The following IQCM variants were observed in gnomAD, a reference collection of about 807,000 sequenced individuals.
IQCM encodes the protein IQ domain-containing protein M.
Under a neutral mutation model 57.6 loss-of-function variants are expected in IQCM, and 45 were observed. That is an observed-to-expected ratio of 0.78 (90% CI 0.62 to 1.00). The LOEUF (loss-of-function observed/expected upper bound fraction) is 1.00, where lower values mean the gene tolerates loss of function less well. Ranked by LOEUF, IQCM falls within the 50% of genes least tolerant of loss-of-function variation. The pLI, the probability that IQCM is intolerant of heterozygous loss-of-function variation, is 0.00. For synonymous variants in IQCM, 148 were observed against 158.9 expected, an observed-to-expected ratio of 0.93 and a Z score of 0.51; for missense variants, 468 against 511.6, an observed-to-expected ratio of 0.91 and a Z score of 0.82.
At chr4:149,591,609 C>A (rs923946806) in intron 8 of IQCM, among the ~76,000 whole-genome samples, 1 of 152,018 alleles carries the variant, frequency 6.6e-6, no homozygotes, top group Non-Finnish European at 1.5e-5. Context: ...CCTCTCCTCC[C>A]ACCCCACGAC....
At chr4:149,624,085 G>C (rs1434799800) in intron 7 of IQCM, among the ~76,000 whole-genome samples, 1 of 151,630 alleles carries the variant, frequency 6.6e-6, no homozygotes, top group Non-Finnish European at 1.5e-5. Flanking sequence ...TGCATATTGA[G>C]ACTTAAAAGT....
At chr4:149,368,796 A>ATG (rs1730047614) in intron 13 of IQCM, among the ~76,000 whole-genome samples, 1 of 106,420 alleles carries the variant, frequency 9.4e-6, no homozygotes, top group Non-Finnish European at 2.0e-5. Context: ...ATATATATAC[A>ATG]TATATATACA....
chr4:149,566,941 G>C (rs1175931418), intron 9 of IQCM, among the ~76,000 whole-genome samples: 1 of 152,154 alleles, frequency 6.6e-6, no homozygotes, highest in Non-Finnish European at 1.5e-5. Context: ...ATAAAACAGA[G>C]AAATGCTTGT....
intron 8 of IQCM, among the ~76,000 whole-genome samples, chr4:149,619,129 TATAC>T (rs1157658322): frequency 4.2e-4 from 62 of 146,958 alleles, no homozygotes; most frequent in African/African-American, 1.4e-3. Flanking sequence ...TATATATATA[TATAC>T]ACCATGGAAT....
chr4:149,792,992 G>A (rs1189554925), intron 2 of IQCM, among the ~76,000 whole-genome samples: 2 of 152,102 alleles, frequency 1.3e-5, no homozygotes, highest in South Asian at 2.1e-4. Context: ...TACATAAATT[G>A]TCTATATCCT....
chr4:149,627,040 A>G (rs1019915274), intron 7 of IQCM, among the ~76,000 whole-genome samples: 1 of 152,188 alleles, frequency 6.6e-6, no homozygotes, highest in African/African-American at 2.4e-5. Flanking sequence ...CTTAGACACT[A>G]CAGCTCCAAG....
intron 8 of IQCM, among the ~76,000 whole-genome samples, chr4:149,596,650 G>T (rs1334760151): frequency 2.6e-5 from 4 of 152,112 alleles, no homozygotes; most frequent in African/African-American, 7.2e-5. Context: ...TGTGGCCTTG[G>T]CTCTGAGTGA....
intron 13 of IQCM, among the ~76,000 whole-genome samples, chr4:149,415,240 C>A (rs188601823): frequency 1.3e-5 from 2 of 152,258 alleles, no homozygotes; most frequent in East Asian, 3.9e-4. Context: ...TCATTGGCTT[C>A]TGAAGAAAGC....
At chr4:149,477,749 A>G (rs2149743105) in intron 12 of IQCM, among the ~76,000 whole-genome samples, 1 of 152,274 alleles carries the variant, frequency 6.6e-6, no homozygotes, top group East Asian at 1.9e-4. Flanking sequence ...GGAGAAATCC[A>G]TGTAGGTGTT....
At chr4:149,712,443 T>C (rs2149834282) in intron 5 of IQCM, among the ~76,000 whole-genome samples, 1 of 152,268 alleles carries the variant, frequency 6.6e-6, no homozygotes, top group South Asian at 2.1e-4. Context: ...CCATGGTACA[T>C]AGATCAGTTT....
rs573252953 is a variant in IQCM at position 149,585,382 on chromosome 4, G to A, written c.749+2548C>T. On this transcript the variant is annotated intron_variant, in intron 9 of 13. Transcript: ENST00000636793. ...TCCAACATGTGGACTCTAAAGTTTC[G>A]TGGAATTTTTATGATAGAAATGGTG... Among the ~76,000 whole-genome samples the A allele has an allele frequency of 1.8e-4, 28 of 151,708 alleles. No homozygotes were observed. In the South Asian group the frequency reaches 1.9e-3, roughly 10 times the overall value.
chr4:149,656,800 T>C (rs548721234), intron 7 of IQCM, among the ~76,000 whole-genome samples: 20 of 151,908 alleles, frequency 1.3e-4, no homozygotes, highest in South Asian at 1.2e-3. Context: ...GAACTGGACA[T>C]TTTTTTTCCA....
intron 7 of IQCM, among the ~76,000 whole-genome samples, chr4:149,640,181 T>C (rs1239713584): frequency 2.6e-5 from 4 of 152,204 alleles, no homozygotes; most frequent in Admixed American, 2.6e-4. Flanking sequence ...AGTAGGCATA[T>C]ATATTTATGG....
intron 7 of IQCM, among the ~76,000 whole-genome samples, chr4:149,641,563 G>A (rs1238776788): frequency 6.6e-6 from 1 of 152,008 alleles, no homozygotes; most frequent in East Asian, 1.9e-4. Flanking sequence ...GGATGTAAAT[G>A]TTCTCATTTT....
At chr4:149,378,443 G>T (rs896544448) in intron 13 of IQCM, among the ~76,000 whole-genome samples, 1 of 152,166 alleles carries the variant, frequency 6.6e-6, no homozygotes, top group South Asian at 2.1e-4. Flanking sequence ...TCTAGGCTGA[G>T]ATGCTGAGAT....
intron 7 of IQCM, among the ~76,000 whole-genome samples, chr4:149,635,107 A>C (rs1252674970): frequency 1.3e-5 from 2 of 152,228 alleles, no homozygotes; most frequent in African/African-American, 4.8e-5. Flanking sequence ...ACATCTATTC[A>C]TGAGGAAAAG....
chr4:149,697,103 A>G (rs895952838), intron 5 of IQCM, among the ~76,000 whole-genome samples: 4 of 152,118 alleles, frequency 2.6e-5, no homozygotes, highest in Admixed American at 2.6e-4. Flanking sequence ...ATGACTTTCT[A>G]CCACTCTTAA....
intron 7 of IQCM, among the ~76,000 whole-genome samples, chr4:149,633,735 G>A (rs527662463): frequency 2.6e-5 from 4 of 152,054 alleles, no homozygotes; most frequent in African/African-American, 4.8e-5. Flanking sequence ...ACTACTCTAC[G>A]ACCTTAACCT....
At chr4:149,715,597 G>T (rs1185742010) in intron 5 of IQCM, among the ~76,000 whole-genome samples, 2 of 152,140 alleles carry the variant, frequency 1.3e-5, no homozygotes, top group African/African-American at 4.8e-5. Context: ...GCGTGTTTCA[G>T]CCCTGTTTGT....
Sources: gnomAD v4.1 joint callset for allele counts (sites outside exome capture counted in the v4.1 genomes callset) on GRCh38, gnomAD v4.1.1 for gene constraint, MANE v1.5 for transcripts, NCBI Gene and HGNC (gene_info 2026-07-23, HGNC 2026-07-21) for gene names.